RAB8A: variants seen among roughly 807,000 people sequenced by gnomAD.
The protein encoded by RAB8A is ras-related protein Rab-8A.
RAB8A carries 5 observed loss-of-function variants against 29.2 expected under a neutral mutation model. The observed-to-expected ratio is 0.17, with a 90% CI of 0.09 to 0.36. RAB8A has a LOEUF of 0.36. Ranked by LOEUF, RAB8A falls within the 10% of genes least tolerant of loss-of-function variation. The pLI, the probability that RAB8A is intolerant of heterozygous loss-of-function variation, is 1.00. For missense variants in RAB8A, 171 were observed against 272.2 expected (o/e 0.63, Z 2.62); for synonymous variants, 108 against 99.9 (o/e 1.08, Z -0.49).
intron 2 of RAB8A, among the ~76,000 whole-genome samples, chr19:16,120,204 G>A (rs1001062070): frequency 3.9e-5 from 6 of 152,124 alleles, no homozygotes; most frequent in East Asian, 1.9e-4. Context: ...CAATCCAGAC[G>A]TATAGAGCCC....
At chr19:16,131,472 T>C (rs1034120353) in intron 7 of RAB8A, among the ~76,000 whole-genome samples, 1 of 148,540 alleles carries the variant, frequency 6.7e-6, no homozygotes, top group Admixed American at 6.7e-5. Flanking sequence ...GGATGAATGG[T>C]TGGTTGGAAG....
Position 16,127,941 on chromosome 19 carries a change from G to C in RAB8A, c.415-85G>C. On this transcript the variant is annotated intron_variant, in intron 5 of 7. Transcript: ENST00000300935. This position sits in a 1 kb window ranked among gnomAD's most constrained non-coding sequence, Gnocchi z 4.8. ...CCTGTTGCTGCTCCCTCTTGGCGCC[G>C]GCCCTGCCTTCAGCTCCTGTTTTAG... The C allele has an allele frequency of 1.4e-6, 2 of 1,421,292 alleles. No homozygotes were observed. Among genetic ancestry groups the C allele is most frequent in the African/African-American group, 1.4e-5 (1 of 70,834 alleles). 88.0% of individuals were successfully genotyped at this position (1,421,292 alleles called of 1,614,324 possible). A position where few individuals can be genotyped will look rare whatever the true frequency, so the allele number is the denominator to read the frequency against.
At chr19:16,114,696 C>T (rs542695543) in intron 1 of RAB8A, among the ~76,000 whole-genome samples, 1 of 151,898 alleles carries the variant, frequency 6.6e-6, no homozygotes, top group African/African-American at 2.4e-5. Context: ...CCCAACCCCC[C>T]TCTTTAGAGT....
chr19:16,128,756 T>A (rs1373742087), intron 6 of RAB8A, among the ~76,000 whole-genome samples: 1 of 152,138 alleles, frequency 6.6e-6, no homozygotes, highest in Admixed American at 6.5e-5. Context: ...CTCCAATACG[T>A]CACTGCATTT....
In RAB8A at chr19:16,118,122, G is replaced by A. The variant is rs988067535; in HGVS notation, c.125-104G>A. ...ATGCCCAGCACCAGGCAGGGTCTCC[G>A]TAAGCCACAACAGCTGTCACCTGCA... On this transcript the variant is annotated intron_variant, in intron 1 of 7. Coordinates refer to ENST00000300935, the MANE Select transcript of RAB8A (RefSeq NM_005370.5). 12 of 931,426 alleles carry A rather than the reference G, an allele frequency of 1.3e-5. No individual in the cohort carries two copies. The African/African-American group carries it at 1.3e-4, about 10-fold the overall frequency. 57.7% of individuals were successfully genotyped at this position (931,426 alleles called of 1,614,324 possible). A position where few individuals can be genotyped will look rare whatever the true frequency, so the allele number is the denominator to read the frequency against.
chr19:16,115,871 A>C (rs1243755280), intron 1 of RAB8A, among the ~76,000 whole-genome samples: 1 of 152,170 alleles, frequency 6.6e-6, no homozygotes, highest in African/African-American at 2.4e-5. Flanking sequence ...GGATGGAATT[A>C]GCATCCCCAC....
At position 16,125,009 on chromosome 19, in the gene RAB8A, T is replaced by TACCATTAA; in HGVS notation, c.247-461_247-460insACCATTAA. The TACCATTAA allele has an allele frequency of 5.6e-6, 1 of 179,684 alleles. No homozygotes were observed. The highest frequency in any genetic ancestry group is 1.2e-5 in the Non-Finnish European group (1 of 84,102). 11.1% of individuals were successfully genotyped at this position (179,684 alleles called of 1,614,324 possible). ...GATGTCGGGTCAGGACTTCCTGGGCTCAGTTGTGCCTGGTAGGTGGCTCAG... is the reference window on the plus strand; with the variant it reads ...GATGTCGGGTCAGGACTTCCTGGGCTACCATTAACAGTTGTGCCTGGTAGGTGGCTCAG... On this transcript the variant is annotated intron_variant, in intron 3 of 7. Transcript: ENST00000300935. The surrounding 1 kb of genome is among the most constrained non-coding windows in gnomAD (Gnocchi z 5.0).
At chr19:16,129,376 CG>C (rs1373738099) in intron 6 of RAB8A, among the ~76,000 whole-genome samples, 177 bp from the exon 7 acceptor site, 1 of 151,960 alleles carries the variant, frequency 6.6e-6, no homozygotes, top group Non-Finnish European at 1.5e-5. Context: ...CAGAGGGAGC[CG>C]GGGAAGGATG....
rs1656363127 is a variant in RAB8A, at chr19:16,122,334, G to A, written c.246+524G>A. Reference sequence around the variant, plus strand: ...CTGGGCCAGGCCTTAACTAGATGCAGAAGGCGGCCAGGGATGGGACGAGGT... The same window carrying A: ...CTGGGCCAGGCCTTAACTAGATGCAAAAGGCGGCCAGGGATGGGACGAGGT... On this transcript the variant is annotated intron_variant, in intron 3 of 7. Coordinates refer to ENST00000300935, the MANE Select transcript of RAB8A (RefSeq NM_005370.5). The surrounding 1 kb of genome is among the most constrained non-coding windows in gnomAD (Gnocchi z 4.7). Among the ~76,000 whole-genome samples the A allele has an allele frequency of 6.6e-6, 1 of 152,190 alleles. No homozygotes were observed. The highest frequency in any genetic ancestry group is 6.5e-5 in the Admixed American group (1 of 15,272).
rs774443910 is a variant in RAB8A, at chr19:16,111,934, G to A, written c.33G>A (p.Leu11=). The A allele has an allele frequency of 1.9e-6, 3 of 1,613,938 alleles. 1 individual carries two copies. Among genetic ancestry groups the A allele is most frequent in the South Asian group, 2.2e-5 (2 of 91,088 alleles). ...AGACCTACGATTACCTGTTCAAGCTGCTGCTGATCGGGGACTCGGGGGTGG... is the reference window on the plus strand; with the variant it reads ...AGACCTACGATTACCTGTTCAAGCTACTGCTGATCGGGGACTCGGGGGTGG... MAKTYDYLFK[L]LLIGDSGVGK... Residue 11 remains leucine, a synonymous_variant, in exon 1 of 8, where the codon CTG becomes CTA. Transcript: ENST00000300935.
At chr19:16,114,064 G>A (rs1423523) in intron 1 of RAB8A, among the ~76,000 whole-genome samples, 21,570 of 151,968 alleles carry the variant, frequency 0.14, 1,796 homozygotes, top group East Asian at 0.27. Flanking sequence ...AAGAAGTGGC[G>A]TTAATTCAGC....
At chr19:16,119,565 T>A (rs1362027713) in intron 2 of RAB8A, among the ~76,000 whole-genome samples, 1 of 152,154 alleles carries the variant, frequency 6.6e-6, no homozygotes, top group East Asian at 1.9e-4. Flanking sequence ...CAGTTCATCC[T>A]GCAGACATTG....
intron 7 of RAB8A, 143 bp downstream of exon 7, chr19:16,129,747 A>C (rs1164045440): frequency 1.2e-6 from 1 of 846,626 alleles, no homozygotes; most frequent in Non-Finnish European, 1.9e-6. Flanking sequence ...AAGGGGGAAG[A>C]GTTTGCAGGT....
chr19:16,133,109 A>G lies in RAB8A; in HGVS notation c.*805A>G, dbSNP rs745450019. The stretch of plus-strand genomic sequence containing the variant: ...GTTGGGGCACCCTCCTCTCAGCACC[A>G]AAATGGCCCCCACTCCTTCGTGTCC... On this transcript the variant is annotated 3_prime_UTR_variant, in exon 8 of 8. Coordinates refer to ENST00000300935, the MANE Select transcript of RAB8A (RefSeq NM_005370.5). 6.6e-6 allele frequency: 1 copy of G among 152,462 alleles called. No homozygotes were observed. Among genetic ancestry groups the G allele is most frequent in the Non-Finnish European group, 1.5e-5 (1 of 68,078 alleles). 9.4% of individuals were successfully genotyped at this position (152,462 alleles called of 1,614,324 possible).
At chr19:16,119,119 C>G (rs991529392) in intron 2 of RAB8A, among the ~76,000 whole-genome samples, 1 of 152,224 alleles carries the variant, frequency 6.6e-6, no homozygotes, top group African/African-American at 2.4e-5. Flanking sequence ...TCCCTCAAGT[C>G]TCAAAGTTTG....
At chr19:16,114,377 C>CTT (rs35265465) in intron 1 of RAB8A, among the ~76,000 whole-genome samples, 15 of 117,140 alleles carry the variant, frequency 1.3e-4, no homozygotes, top group Middle Eastern at 4.6e-3. Flanking sequence ...AAACCCCCCT[C>CTT]TTTTTTTTTT....
intron 1 of RAB8A, among the ~76,000 whole-genome samples, chr19:16,116,023 T>G (rs2090844400): frequency 6.6e-6 from 1 of 152,136 alleles, no homozygotes; most frequent in African/African-American, 2.4e-5. Context: ...TATGCCCAGG[T>G]CCATGCAGCA....
chr19:16,123,621 A>C (rs2144991135), intron 3 of RAB8A: 1 of 152,184 alleles, frequency 6.6e-6, no homozygotes. Flanking sequence ...CTACTTAATT[A>C]ATTAATTAAT....
intron 2 of RAB8A, among the ~76,000 whole-genome samples, chr19:16,119,148 C>T (rs545713156): frequency 2.6e-5 from 4 of 152,168 alleles, no homozygotes; most frequent in African/African-American, 4.8e-5. Context: ...CCCCCACTTG[C>T]CAGTTTCAGG....
Sources: gnomAD v4.1 joint callset for allele counts (sites outside exome capture counted in the v4.1 genomes callset) on GRCh38, gnomAD v4.1.1 for gene constraint, Gnocchi (gnomAD v3.1) non-coding constraint, MANE v1.5 for transcripts, NCBI Gene and HGNC (gene_info 2026-07-23, HGNC 2026-07-21) for gene names.